Variants in RALYL observed in about 807,000 individuals in gnomAD.
The protein encoded by RALYL is RNA-binding Raly-like protein.
RALYL carries 29 observed loss-of-function variants against 35.1 expected under a neutral mutation model. That is an observed-to-expected ratio of 0.83 (90% CI 0.61 to 1.13). RALYL has a LOEUF of 1.13. RALYL is among the 50% of genes most tolerant of loss of function. RALYL has a pLI of 0.00. For missense variants in RALYL, 359 were observed against 360.4 expected (o/e 1.00, Z 0.03); for synonymous variants, 120 against 127.6 (o/e 0.94, Z 0.40).
At chr8:84,308,403 T>A (rs1842210718) in intron 1 of RALYL, among the ~76,000 whole-genome samples, 1 of 152,196 alleles carries the variant, frequency 6.6e-6, no homozygotes, top group Admixed American at 6.5e-5. Context: ...TCCCAAGTTT[T>A]CTCATGCCAT....
chr8:84,477,211 G>T (rs1475380188), intron 1 of RALYL, among the ~76,000 whole-genome samples: 1 of 151,910 alleles, frequency 6.6e-6, no homozygotes, highest in Middle Eastern at 3.2e-3. Flanking sequence ...GACTTAACTA[G>T]CAGATAGCCC....
intron 2 of RALYL, among the ~76,000 whole-genome samples, chr8:84,629,265 C>T (rs1047673477): frequency 1.3e-5 from 2 of 151,986 alleles, no homozygotes; most frequent in Non-Finnish European, 2.9e-5. Context: ...TTAGTATCTC[C>T]TTCACCTAGA....
At chr8:84,377,386 G>A (rs2131547723) in intron 1 of RALYL, among the ~76,000 whole-genome samples, 1 of 147,080 alleles carries the variant, frequency 6.8e-6, no homozygotes, top group East Asian at 2.1e-4. Flanking sequence ...GTTGTCAAGA[G>A]AAACTGAATA....
chr8:84,550,624 T>C (rs894194468), intron 2 of RALYL, among the ~76,000 whole-genome samples: 3 of 151,476 alleles, frequency 2.0e-5, no homozygotes, highest in Non-Finnish European at 4.4e-5. Context: ...TTTATTTTAT[T>C]TTATAAGAGC....
At chr8:84,537,495 T>C (rs2059695525) in intron 2 of RALYL, among the ~76,000 whole-genome samples, 1 of 150,146 alleles carries the variant, frequency 6.7e-6, no homozygotes, top group Admixed American at 6.7e-5. Context: ...AAAAAAAGTC[T>C]GTTCACAAGG....
chr8:84,310,722 A>G (rs1842600706), intron 1 of RALYL, among the ~76,000 whole-genome samples: 1 of 152,188 alleles, frequency 6.6e-6, no homozygotes, highest in Non-Finnish European at 1.5e-5. Flanking sequence ...TTTGTAAGGC[A>G]GAAGTAAATG....
intron 2 of RALYL, among the ~76,000 whole-genome samples, chr8:84,574,755 AT>A (rs141886364): frequency 0.053 from 8,003 of 152,108 alleles, 487 homozygotes; most frequent in African/African-American, 0.14. Flanking sequence ...GCTCGAGGTG[AT>A]TTTAGTAACT....
At chr8:84,337,898 A>G (rs1848105828) in intron 1 of RALYL, among the ~76,000 whole-genome samples, 1 of 152,158 alleles carries the variant, frequency 6.6e-6, no homozygotes, top group Admixed American at 6.6e-5. Context: ...AATGCAAAGA[A>G]AGGCTACCAT....
At chr8:84,683,875 C>A (rs976622488) in intron 2 of RALYL, among the ~76,000 whole-genome samples, 1 of 152,006 alleles carries the variant, frequency 6.6e-6, no homozygotes, top group Non-Finnish European at 1.5e-5. Context: ...AAGTAGAGAC[C>A]AAGTTTCACT....
At chr8:84,361,991 C>G (rs954209233) in intron 1 of RALYL, among the ~76,000 whole-genome samples, 4 of 152,108 alleles carry the variant, frequency 2.6e-5, no homozygotes, top group Admixed American at 6.6e-5. Context: ...CATAATAATT[C>G]TTATTTTCCA....
At chr8:84,293,719 T>G (rs1839219045) in intron 1 of RALYL, among the ~76,000 whole-genome samples, 1 of 152,148 alleles carries the variant, frequency 6.6e-6, no homozygotes, top group South Asian at 2.1e-4. Context: ...CTTAACAGTC[T>G]TTCTTTCATT....
chr8:84,683,161 T>A (rs1187373382), intron 2 of RALYL, among the ~76,000 whole-genome samples: 1 of 152,138 alleles, frequency 6.6e-6, no homozygotes, highest in Non-Finnish European at 1.5e-5. Context: ...TTTGAGTGAG[T>A]TTCTTAATCC....
At chr8:84,783,217 G>T (rs969497841) in intron 3 of RALYL, among the ~76,000 whole-genome samples, 3 of 152,124 alleles carry the variant, frequency 2.0e-5, no homozygotes, top group African/African-American at 7.2e-5. Flanking sequence ...ATGTTCCAGT[G>T]TTACTCTCTC....
intron 2 of RALYL, among the ~76,000 whole-genome samples, chr8:84,538,873 A>G (rs1444686921): frequency 6.6e-6 from 1 of 152,214 alleles, no homozygotes; most frequent in Non-Finnish European, 1.5e-5. Context: ...GTGCTACCGG[A>G]ATTTTAAATA....
At chr8:84,541,153 A>G (rs1406865825) in intron 2 of RALYL, among the ~76,000 whole-genome samples, 3 of 151,380 alleles carry the variant, frequency 2.0e-5, no homozygotes, top group East Asian at 3.9e-4. Context: ...TGTGGGTTTA[A>G]TTTGCCACTC....
At chr8:84,883,374 T>C (rs1227655614) in intron 7 of RALYL, among the ~76,000 whole-genome samples, 1 of 152,038 alleles carries the variant, frequency 6.6e-6, no homozygotes, top group Non-Finnish European at 1.5e-5. Flanking sequence ...AATAAAGACA[T>C]ACCCAAGACT....
In RALYL at chr8:84,629,163, T is replaced by C. The variant is rs575090451; in HGVS notation, c.256+99586T>C. On this transcript the variant is annotated intron_variant, in intron 2 of 8. Coordinates refer to ENST00000521268, the MANE Select transcript of RALYL (RefSeq NM_173848.7). ...CTGTTGTGCATATCACCTTCTAATA[T>C]ACTAGGTATTTTATTTATCTGACTA... Among the ~76,000 whole-genome samples, 9 of 152,192 alleles carry C rather than the reference T, an allele frequency of 5.9e-5. 2 individuals carry two copies. In the South Asian group the frequency reaches 1.9e-3, roughly 32 times the overall value.
At chr8:84,256,192 T>C (rs1207115707) in intron 1 of RALYL, among the ~76,000 whole-genome samples, 1 of 152,176 alleles carries the variant, frequency 6.6e-6, no homozygotes, top group South Asian at 2.1e-4. Flanking sequence ...TTTTCTGTTC[T>C]AGTTTTGAGT....
intron 1 of RALYL, among the ~76,000 whole-genome samples, chr8:84,374,189 T>G (rs1247064833): frequency 6.6e-6 from 1 of 151,984 alleles, no homozygotes; most frequent in South Asian, 2.1e-4. Flanking sequence ...CCTATTTGGA[T>G]GCTCTTTATT....
Sources: gnomAD v4.1 joint callset for allele counts (sites outside exome capture counted in the v4.1 genomes callset) on GRCh38, gnomAD v4.1.1 for gene constraint, MANE v1.5 for transcripts, NCBI Gene and HGNC (gene_info 2026-07-23, HGNC 2026-07-21) for gene names.